EXT2: variants seen among roughly 807,000 people sequenced by gnomAD.
The protein encoded by EXT2 is exostosin glycosyltransferase 2.
A neutral mutation model predicts 81.6 loss-of-function variants in EXT2; 53 were observed. The ratio of observed to expected loss-of-function variants is 0.65; its 90% CI spans 0.52 to 0.82. The LOEUF (loss-of-function observed/expected upper bound fraction) is 0.82, where lower values mean the gene tolerates loss of function less well. EXT2 is among the 40% of genes least tolerant of loss of function. The pLI is 0.00. For synonymous variants in EXT2, 320 were observed against 340.0 expected, an observed-to-expected ratio of 0.94 and a Z score of 0.65; for missense variants, 774 against 910.2, an observed-to-expected ratio of 0.85 and a Z score of 1.93.
intron 8 of EXT2, among the ~76,000 whole-genome samples, chr11:44,189,338 G>T (rs971659017): frequency 2.0e-5 from 3 of 152,070 alleles, no homozygotes; most frequent in African/African-American, 7.2e-5. Flanking sequence ...TTGGCCTTCA[G>T]TGTTATTCTT....
chr11:44,212,770 G>A (rs1340089260), intron 10 of EXT2, among the ~76,000 whole-genome samples: 1 of 152,132 alleles, frequency 6.6e-6, no homozygotes, highest in Non-Finnish European at 1.5e-5. Flanking sequence ...GATACATGCA[G>A]CAACATGAAT....
At chr11:44,231,601 G>A (rs1955899509) in intron 10 of EXT2, among the ~76,000 whole-genome samples, 1 of 152,172 alleles carries the variant, frequency 6.6e-6, no homozygotes, top group Non-Finnish European at 1.5e-5. Context: ...TCTGGTGATG[G>A]TTGAGGAACT....
intron 10 of EXT2, among the ~76,000 whole-genome samples, chr11:44,227,097 G>C (rs1041896515): frequency 6.6e-6 from 1 of 152,118 alleles, no homozygotes; most frequent in Non-Finnish European, 1.5e-5. Flanking sequence ...CCTAGTGCTG[G>C]CCCGTGATTT....
intron 10 of EXT2, among the ~76,000 whole-genome samples, chr11:44,215,005 C>T (rs186275057): frequency 6.6e-6 from 1 of 152,256 alleles, no homozygotes; most frequent in Non-Finnish European, 1.5e-5. Flanking sequence ...AAGCAATCCT[C>T]CTGCCTCGGC....
At chr11:44,152,797 A>G (rs1257583425) in intron 7 of EXT2, among the ~76,000 whole-genome samples, 4 of 152,064 alleles carry the variant, frequency 2.6e-5, no homozygotes, top group Non-Finnish European at 5.9e-5. Context: ...TCTTTTCTTC[A>G]TATGTATTGT....
At chr11:44,233,055 A>G (rs1332882845) in intron 11 of EXT2, among the ~76,000 whole-genome samples, 3 of 152,200 alleles carry the variant, frequency 2.0e-5, no homozygotes, top group Non-Finnish European at 4.4e-5. Flanking sequence ...ACTCATGACC[A>G]TTGTGATAGA....
chr11:44,158,568 A>G (rs1954887248), intron 7 of EXT2, among the ~76,000 whole-genome samples: 1 of 150,800 alleles, frequency 6.6e-6, no homozygotes. Context: ...AATTAAATTA[A>G]TTAATTTTAA....
intron 10 of EXT2, among the ~76,000 whole-genome samples, chr11:44,215,900 C>T (rs1189948233): frequency 7.1e-6 from 1 of 140,414 alleles, no homozygotes; most frequent in Non-Finnish European, 1.5e-5. Flanking sequence ...GACGGAGTCT[C>T]GCTCTGTCGC....
intron 12 of EXT2, among the ~76,000 whole-genome samples, chr11:44,234,462 G>T (rs897257935): frequency 1.1e-4 from 17 of 152,050 alleles, no homozygotes; most frequent in African/African-American, 3.4e-4. Context: ...TTCTTTAGTT[G>T]CAGTTTTTAA....
intron 7 of EXT2, among the ~76,000 whole-genome samples, chr11:44,147,727 ATT>A (rs5791607): frequency 1.5e-3 from 206 of 136,984 alleles, no homozygotes; most frequent in African/African-American, 3.4e-3. Context: ...CCCCCAGCTA[ATT>A]TTTTTTTTTT....
At chr11:44,170,380 GA>G (rs1303539308) in intron 7 of EXT2, among the ~76,000 whole-genome samples, 1 of 151,808 alleles carries the variant, frequency 6.6e-6, no homozygotes, top group Admixed American at 6.6e-5. Context: ...AAGAAAGGTT[GA>G]AATCATGATC....
Position 44,165,762 on chromosome 11 carries a change from G to A in EXT2, c.1174-5849G>A, listed in dbSNP as rs535553523. On this transcript the variant is annotated intron_variant, in intron 7 of 13. Coordinates refer to ENST00000533608, the MANE Select transcript of EXT2 (RefSeq NM_207122.2). ...GGTAGAAAAGGAGATAAATATTCAGGATATATATGTGTTTATGTTTGGCCT... is the reference window on the plus strand; with the variant it reads ...GGTAGAAAAGGAGATAAATATTCAGAATATATATGTGTTTATGTTTGGCCT... 3.9e-5 allele frequency among the ~76,000 whole-genome samples: 6 copies of A among 152,304 alleles called. No homozygotes were observed. In the South Asian group the frequency reaches 1.2e-3, roughly 32 times the overall value.
At chr11:44,154,145 G>A (rs182280034) in intron 7 of EXT2, among the ~76,000 whole-genome samples, 16 of 152,002 alleles carry the variant, frequency 1.1e-4, no homozygotes, top group East Asian at 3.9e-4. Flanking sequence ...TGTTACAGAC[G>A]TTCCAACTAT....
chr11:44,159,011 T>C (rs1206586340), intron 7 of EXT2, among the ~76,000 whole-genome samples: 2 of 151,968 alleles, frequency 1.3e-5, no homozygotes, highest in Non-Finnish European at 2.9e-5. Context: ...CTATAGAGAT[T>C]TTTTTTCTTT....
chr11:44,169,426 C>G (rs1235661060), intron 7 of EXT2, among the ~76,000 whole-genome samples: 1 of 151,594 alleles, frequency 6.6e-6, no homozygotes, highest in Non-Finnish European at 1.5e-5. Flanking sequence ...CAAACAATAA[C>G]AAAAGACTAA....
intron 8 of EXT2, among the ~76,000 whole-genome samples, chr11:44,191,185 A>G (rs1251966692): frequency 6.6e-6 from 1 of 152,202 alleles, no homozygotes; most frequent in African/African-American, 2.4e-5. Context: ...GATTACTTTT[A>G]TGCAATTGCA....
chr11:44,206,721 A>T lies in EXT2; in HGVS notation c.1496-72A>T, dbSNP rs2135204061. On this transcript the variant is annotated intron_variant, in intron 9 of 13. Coordinates refer to ENST00000533608, the MANE Select transcript of EXT2 (RefSeq NM_207122.2). The stretch of plus-strand genomic sequence containing the variant: ...AGCTGATTCTCCCATCTCATTTGTG[A>T]TGTCATGCTTTTACTACTTTATCTC... The T allele has an allele frequency of 2.6e-6, 4 of 1,514,954 alleles. No homozygotes were observed. The South Asian group carries it at 4.5e-5, about 17-fold the overall frequency. The allele number at this position is 1,514,954 out of a possible 1,614,324, so 93.8% of individuals were successfully genotyped here.
At chr11:44,242,926 A>AC (rs1956052997) in intron 13 of EXT2, among the ~76,000 whole-genome samples, 1 of 152,086 alleles carries the variant, frequency 6.6e-6, no homozygotes, top group Admixed American at 6.5e-5. Context: ...TGATAGTCCT[A>AC]CCCCATAGGG....
chr11:44,132,703 C>T (rs930468449), intron 7 of EXT2, among the ~76,000 whole-genome samples: 1 of 152,156 alleles, frequency 6.6e-6, no homozygotes, highest in Admixed American at 6.5e-5. Flanking sequence ...TAGTGGTGAA[C>T]AGTCCACTAT....
Sources: gnomAD v4.1 joint callset for allele counts (sites outside exome capture counted in the v4.1 genomes callset) on GRCh38, gnomAD v4.1.1 for gene constraint, MANE v1.5 for transcripts, NCBI Gene and HGNC (gene_info 2026-07-23, HGNC 2026-07-21) for gene names.